The following KCNG3 variants were observed in gnomAD, a reference collection of about 807,000 sequenced individuals.
The protein encoded by KCNG3 is voltage-gated potassium channel regulatory subunit KCNG3.
A neutral mutation model predicts 29.0 loss-of-function variants in KCNG3; 15 were observed. That is an observed-to-expected ratio of 0.52 (90% CI 0.35 to 0.80). The LOEUF (loss-of-function observed/expected upper bound fraction) is 0.80. KCNG3 is among the 30% of genes least tolerant of loss of function. The probability of loss-of-function intolerance (pLI) is 0.01; values close to 1 mark genes in which losing one functional copy is unlikely to be tolerated. For missense variants in KCNG3, 512 were observed against 605.7 expected, an observed-to-expected ratio of 0.85 and a Z score of 1.62; for synonymous variants, 322 against 248.9, an observed-to-expected ratio of 1.29 and a Z score of -2.76.
downstream of KCNG3, among the ~76,000 whole-genome samples, chr2:42,437,939 C>CAAAA (rs58250880): frequency 5.3e-5 from 4 of 74,842 alleles, no homozygotes; most frequent in African/African-American, 1.9e-4. Context: ...ACTCTGTCTC[C>CAAAA]AAAAAAAAAA....
the KCNG3 span, among the ~76,000 whole-genome samples, chr2:42,399,368 CTTTTT>C: frequency 1.4e-4 from 21 of 152,106 alleles, no homozygotes; most frequent in Admixed American, 1.1e-3. Flanking sequence ...CTGTCCTTTT[CTTTTT>C]TATTTGTGGA....
chr2:42,424,797 T>A, the KCNG3 span: 3 of 152,196 alleles, frequency 2.0e-5, no homozygotes, highest in South Asian at 4.2e-4. Context: ...GCAACAACTT[T>A]AATAGCAATA....
At chr2:42,411,280 A>T in the KCNG3 span, among the ~76,000 whole-genome samples, 1 of 152,054 alleles carries the variant, frequency 6.6e-6, no homozygotes, top group South Asian at 2.1e-4. Context: ...TTTCCATAGG[A>T]ATATTAGAAT....
chr2:42,463,581 C>T (rs2103693779), intron 1 of KCNG3: 1 of 171,576 alleles, frequency 5.8e-6, no homozygotes, highest in Non-Finnish European at 1.2e-5. Context: ...AACCCAGCAC[C>T]AGGGCACCCC....
the KCNG3 span, among the ~76,000 whole-genome samples, chr2:42,421,164 C>A: frequency 6.6e-6 from 1 of 152,086 alleles, no homozygotes; most frequent in Non-Finnish European, 1.5e-5. Context: ...GGAAATATGC[C>A]AAAATGTTAA....
chr2:42,430,929 G>A, the KCNG3 span, among the ~76,000 whole-genome samples: 1 of 151,946 alleles, frequency 6.6e-6, no homozygotes, highest in South Asian at 2.1e-4. Context: ...GACCAACATG[G>A]TGAAACCCTG....
chr2:42,452,243 A>AT lies in KCNG3; in HGVS notation c.666-7665dup, dbSNP rs771771721. 6.8e-3 allele frequency among the ~76,000 whole-genome samples: 648 copies of AT among 95,046 alleles called. 17 individuals are homozygous for AT. The highest frequency in any genetic ancestry group is 0.022 in the African/African-American group (554 of 25,358). 62.4% of individuals were successfully genotyped at this position (95,046 alleles called of 152,430 possible). ...TAAATATATATATATATATATATAT[A>AT]TTTTTTTTTTTTTTTTAAAGGAAAC... On this transcript the variant is annotated intron_variant, in intron 1 of 1. Transcript: ENST00000306078.
At chr2:42,481,120 C>T (rs1003033130) in intron 1 of KCNG3, among the ~76,000 whole-genome samples, 2 of 152,134 alleles carry the variant, frequency 1.3e-5, no homozygotes, top group African/African-American at 4.8e-5. Flanking sequence ...ACACAAAAAC[C>T]AGGCAGTGGG....
the KCNG3 span, among the ~76,000 whole-genome samples, chr2:42,390,962 TC>T: frequency 1.3e-5 from 2 of 152,124 alleles, no homozygotes; most frequent in South Asian, 4.2e-4. Context: ...CCTTAGGATT[TC>T]CCCCAGAGTC....
At chr2:42,413,448 T>C in the KCNG3 span, among the ~76,000 whole-genome samples, 10 of 152,248 alleles carry the variant, frequency 6.6e-5, 1 homozygote, top group Non-Finnish European at 1.2e-4. Context: ...CACATTTTTC[T>C]TTCTCTCTTG....
chr2:42,462,487 G>A (rs1205211321), intron 1 of KCNG3, among the ~76,000 whole-genome samples: 2 of 152,118 alleles, frequency 1.3e-5, no homozygotes, highest in African/African-American at 4.8e-5. Flanking sequence ...TTGGAGACCA[G>A]CCTGGTCAAC....
intron 1 of KCNG3, among the ~76,000 whole-genome samples, chr2:42,445,432 G>A (rs1672574297): frequency 6.6e-6 from 1 of 152,068 alleles, no homozygotes; most frequent in African/African-American, 2.4e-5. Context: ...GGGAGATACT[G>A]GCACCGAGCA....
At chr2:42,407,640 G>A in the KCNG3 span, among the ~76,000 whole-genome samples, 1 of 152,102 alleles carries the variant, frequency 6.6e-6, no homozygotes, top group Admixed American at 6.5e-5. Context: ...CGCTTGGGGG[G>A]CAGCTGCAGC....
At chr2:42,469,253 C>T (rs988701895) in intron 1 of KCNG3, among the ~76,000 whole-genome samples, 1 of 151,738 alleles carries the variant, frequency 6.6e-6, no homozygotes, top group East Asian at 1.9e-4. Flanking sequence ...CCCATCTCTA[C>T]TAAAAATACA....
chr2:42,483,973 G>A (rs2103733668), intron 1 of KCNG3, among the ~76,000 whole-genome samples: 1 of 152,106 alleles, frequency 6.6e-6, no homozygotes, highest in African/African-American at 2.4e-5. Flanking sequence ...TGTAGAGACG[G>A]GATTTCGCCA....
rs1199647486 is a variant in KCNG3 at position 42,492,862 on chromosome 2, C to A, written c.640G>T (p.Ala214Ser). The A allele has an allele frequency of 2.6e-6, 4 of 1,511,796 alleles. No individual in the cohort carries two copies. Among genetic ancestry groups the A allele is most frequent in the African/African-American group, 1.4e-5 (1 of 69,058 alleles). The allele number at this position is 1,511,796 out of a possible 1,614,324, so 93.6% of individuals were successfully genotyped here. A position where few individuals can be genotyped will look rare whatever the true frequency, so the allele number is the denominator to read the frequency against. ...RSLDDRSRYS[A>S]GPGREPSGII... The stretch of plus-strand genomic sequence containing the variant: ...CCGGAGGGCTCCCTCCCAGGGCCGG[C>A]GGAGTACCTGCTCCGGTCATCCAGG... The change falls in exon 1 of 2, where the codon GCC (alanine) becomes TCC (serine). Residue 214 changes from alanine to serine, a missense_variant. By Grantham distance (99) the Ala-to-Ser change is moderately conservative (BLOSUM62 1). Coordinates refer to ENST00000306078, the MANE Select transcript of KCNG3 (RefSeq NM_133329.6).
At chr2:42,452,878 T>C (rs1220609567) in intron 1 of KCNG3, among the ~76,000 whole-genome samples, 1 of 152,020 alleles carries the variant, frequency 6.6e-6, no homozygotes, top group African/African-American at 2.4e-5. Flanking sequence ...GCCTCCAGGG[T>C]TCAAGAGATT....
intron 1 of KCNG3, among the ~76,000 whole-genome samples, chr2:42,477,809 A>T (rs1673476155): frequency 6.6e-6 from 1 of 151,806 alleles, no homozygotes. Context: ...AACCCAGGAG[A>T]CAGAAGTTGC....
At chr2:42,457,625 T>TCACACA (rs1268751139) in intron 1 of KCNG3, among the ~76,000 whole-genome samples, 5 of 42,860 alleles carry the variant, frequency 1.2e-4, no homozygotes, top group African/African-American at 3.1e-4. Flanking sequence ...GGCAGGCAGA[T>TCACACA]CTCACACACA....
Sources: gnomAD v4.1 joint callset for allele counts (sites outside exome capture counted in the v4.1 genomes callset) on GRCh38, gnomAD v4.1.1 for gene constraint, MANE v1.5 for transcripts, NCBI Gene and HGNC (gene_info 2026-07-23, HGNC 2026-07-21) for gene names.